Variants in ZMAT4 observed in about 807,000 individuals in gnomAD.
ZMAT4 encodes the protein zinc finger matrin-type 4.
Under a neutral mutation model 28.7 loss-of-function variants are expected in ZMAT4, and 17 were observed. That is an observed-to-expected ratio of 0.59 (90% CI 0.41 to 0.89). ZMAT4 has a LOEUF of 0.89. Among genes scored for constraint, ZMAT4 ranks in the 40% least tolerant of loss-of-function variants. The pLI is 0.00. For synonymous variants in ZMAT4, 117 were observed against 109.2 expected (o/e 1.07, Z -0.44); for missense variants, 240 against 283.8 (o/e 0.85, Z 1.11).
At chr8:40,698,302 A>G (rs1299460668) in intron 3 of ZMAT4, among the ~76,000 whole-genome samples, 1 of 152,210 alleles carries the variant, frequency 6.6e-6, no homozygotes, top group East Asian at 1.9e-4. Context: ...TCAGAAAAAA[A>G]TAAAACCTTG....
chr8:40,793,260 A>G (rs576797210), intron 2 of ZMAT4, among the ~76,000 whole-genome samples: 26 of 152,242 alleles, frequency 1.7e-4, no homozygotes. Flanking sequence ...TAAGTCTGTG[A>G]ATTTAAAAAT....
At chr8:40,860,134 T>TTA (rs1158551839) in intron 1 of ZMAT4, among the ~76,000 whole-genome samples, 1 of 152,166 alleles carries the variant, frequency 6.6e-6, no homozygotes, top group Non-Finnish European at 1.5e-5. Flanking sequence ...TAATATTTGC[T>TTA]TATATAGAGT....
intron 6 of ZMAT4, among the ~76,000 whole-genome samples, chr8:40,541,122 C>A (rs1803014498): frequency 6.6e-6 from 1 of 152,154 alleles, no homozygotes; most frequent in Non-Finnish European, 1.5e-5. Context: ...GGAAGTATTA[C>A]ATACCTGGTA....
chr8:40,740,272 C>T (rs1286602498), intron 3 of ZMAT4, among the ~76,000 whole-genome samples: 2 of 152,200 alleles, frequency 1.3e-5, no homozygotes, highest in Admixed American at 1.3e-4. Context: ...CAAAAGTGTT[C>T]CTATTTCTCC....
intron 5 of ZMAT4, among the ~76,000 whole-genome samples, chr8:40,583,455 C>G (rs1457763272): frequency 2.0e-5 from 3 of 152,128 alleles, no homozygotes; most frequent in Non-Finnish European, 4.4e-5. Flanking sequence ...CAAAAAGATG[C>G]TGAAAGTGTT....
chr8:40,715,138 T>G, intron 3 of ZMAT4, among the ~76,000 whole-genome samples: 2 of 145,112 alleles, frequency 1.4e-5, no homozygotes, highest in African/African-American at 5.2e-5. Context: ...CAGAAAGAAG[T>G]GAGGAACTGG....
chr8:40,693,532 G>A (rs1809746606), intron 4 of ZMAT4, among the ~76,000 whole-genome samples: 1 of 152,140 alleles, frequency 6.6e-6, no homozygotes, highest in Non-Finnish European at 1.5e-5. Context: ...GTGAGTTTCT[G>A]TATAAAAAAC....
chr8:40,767,581 C>A (rs1186112242), intron 3 of ZMAT4, 60 bp downstream of exon 3: 7 of 1,450,792 alleles, frequency 4.8e-6, no homozygotes, highest in Non-Finnish European at 6.6e-6. Context: ...CCTACACCTG[C>A]AAAGTTCTCA....
At chr8:40,636,116 T>C (rs188881703) in intron 5 of ZMAT4, among the ~76,000 whole-genome samples, 1 of 152,238 alleles carries the variant, frequency 6.6e-6, no homozygotes, top group Admixed American at 6.5e-5. Context: ...CTGCAATGAT[T>C]CATACATGCC....
At chr8:40,837,382 G>A (rs1816533784) in intron 1 of ZMAT4, among the ~76,000 whole-genome samples, 1 of 152,118 alleles carries the variant, frequency 6.6e-6, no homozygotes, top group Non-Finnish European at 1.5e-5. Flanking sequence ...CCAACCCCTG[G>A]TGCCCACTGG....
intron 5 of ZMAT4, among the ~76,000 whole-genome samples, chr8:40,590,488 C>T (rs944493589): frequency 6.6e-5 from 10 of 151,960 alleles, no homozygotes; most frequent in Admixed American, 2.6e-4. Flanking sequence ...GAAAATCAAA[C>T]GGCTCTTTTA....
intron 6 of ZMAT4, among the ~76,000 whole-genome samples, chr8:40,532,725 C>T (rs1028638299): frequency 2.2e-4 from 33 of 152,060 alleles, no homozygotes; most frequent in Admixed American, 3.9e-4. Flanking sequence ...GGGCCAGGTG[C>T]AGTGGCTCAT....
chr8:40,654,403 G>C (rs1440781107), intron 5 of ZMAT4, among the ~76,000 whole-genome samples: 1 of 152,132 alleles, frequency 6.6e-6, no homozygotes, highest in Non-Finnish European at 1.5e-5. Flanking sequence ...TAAAGCTCAT[G>C]TGTGCTGCTG....
At chr8:40,647,552 C>T (rs1489594022) in intron 5 of ZMAT4, among the ~76,000 whole-genome samples, 1 of 152,172 alleles carries the variant, frequency 6.6e-6, no homozygotes, top group African/African-American at 2.4e-5. Context: ...AGCTGGGAAG[C>T]TCGAACTGGG....
chr8:40,857,151 T>C (rs1317529841), intron 1 of ZMAT4, among the ~76,000 whole-genome samples: 1 of 151,948 alleles, frequency 6.6e-6, no homozygotes, highest in Non-Finnish European at 1.5e-5. Context: ...TCAGACAAGT[T>C]GATAAAGACT....
chr8:40,584,122 G>T (rs1804582435), intron 5 of ZMAT4, among the ~76,000 whole-genome samples: 1 of 152,090 alleles, frequency 6.6e-6, no homozygotes, highest in Non-Finnish European at 1.5e-5. Context: ...TGATTTTGGG[G>T]TCCTGAGTTT....
At chr8:40,889,666 A>G (rs1818597094) in intron 1 of ZMAT4, among the ~76,000 whole-genome samples, 1 of 152,200 alleles carries the variant, frequency 6.6e-6, no homozygotes, top group African/African-American at 2.4e-5. Flanking sequence ...CTTAATATAT[A>G]TTATTAGCAT....
At chr8:40,772,249 G>T (rs969277083) in intron 2 of ZMAT4, among the ~76,000 whole-genome samples, 1 of 152,156 alleles carries the variant, frequency 6.6e-6, no homozygotes, top group Non-Finnish European at 1.5e-5. Context: ...CCTAGGCATT[G>T]TGCGGGGACA....
chr8:40,570,916 C>A (rs546076875), intron 6 of ZMAT4, among the ~76,000 whole-genome samples: 1 of 152,188 alleles, frequency 6.6e-6, no homozygotes, highest in East Asian at 1.9e-4. Context: ...AGAACCACAT[C>A]GGGTAATGAC....
Sources: gnomAD v4.1 joint callset for allele counts (sites outside exome capture counted in the v4.1 genomes callset) on GRCh38, gnomAD v4.1.1 for gene constraint, MANE v1.5 for transcripts, NCBI Gene and HGNC (gene_info 2026-07-23, HGNC 2026-07-21) for gene names.